Variants in DYRK4 observed in about 807,000 individuals in gnomAD.
DYRK4 encodes the protein dual specificity tyrosine-phosphorylation-regulated kinase 4.
In DYRK4, 64 loss-of-function variants were observed where a neutral mutation model predicts 68.3. The observed-to-expected ratio is 0.94, with a 90% confidence interval of 0.77 to 1.15. The LOEUF (loss-of-function observed/expected upper bound fraction) is 1.15. Among genes scored for constraint, DYRK4 ranks in the 50% most tolerant of loss-of-function variants. The pLI is 0.00. For missense variants in DYRK4, 740 were observed against 764.7 expected, an observed-to-expected ratio of 0.97 and a Z score of 0.38; for synonymous variants, 274 against 289.9, an observed-to-expected ratio of 0.95 and a Z score of 0.56.
chr12:4,595,588 C>G (rs1425555446), intron 6 of DYRK4, among the ~76,000 whole-genome samples: 1 of 152,082 alleles, frequency 6.6e-6, no homozygotes, highest in Non-Finnish European at 1.5e-5. Context: ...ACTGCTAACT[C>G]CAGGATAGGA....
At chr12:4,580,920 G>T (rs997473849) in intron 2 of DYRK4, 12 of 455,238 alleles carry the variant, frequency 2.6e-5, no homozygotes, top group South Asian at 1.9e-4. Flanking sequence ...TTTCCGAAAA[G>T]GCTGGGTGGC....
At chr12:4,599,864 C>G in intron 10 of DYRK4, 76 bp downstream of exon 10, 1 of 1,281,128 alleles carries the variant, frequency 7.8e-7, no homozygotes, top group Non-Finnish European at 1.1e-6. Context: ...GGTCACCTGC[C>G]TTCTAGGCTG....
chr12:4,591,310 G>A lies in DYRK4; in HGVS notation c.463+12G>A, dbSNP rs758397333. On this transcript the variant is annotated intron_variant, in intron 5 of 14. Transcript: ENST00000543431. This position sits in a 1 kb window ranked among gnomAD's most constrained non-coding sequence, Gnocchi z 4.1. ...TCTGACAGCGGCAGGTATGCCTTTG[G>A]GGCAGTAGCAGGGTGGGGAGGTGCT... 4 of 1,613,542 alleles carry A rather than the reference G, an allele frequency of 2.5e-6. No individual in the cohort carries two copies. The South Asian group carries it at 3.3e-5, about 13-fold the overall frequency.
intron 12 of DYRK4, among the ~76,000 whole-genome samples, chr12:4,609,086 C>T (rs1347868023): frequency 6.6e-6 from 1 of 152,116 alleles, no homozygotes; most frequent in Admixed American, 6.5e-5. Flanking sequence ...ACACAGAGCA[C>T]CTTCGTAGGA....
At chr12:4,601,668 G>A (rs1182031086) in intron 10 of DYRK4, among the ~76,000 whole-genome samples, 1 of 152,150 alleles carries the variant, frequency 6.6e-6, no homozygotes, top group East Asian at 1.9e-4. Context: ...CTGGAGATGA[G>A]CCTGGAAGAG....
intron 2 of DYRK4, among the ~76,000 whole-genome samples, chr12:4,585,174 A>G (rs1944883594): frequency 6.6e-6 from 1 of 152,170 alleles, no homozygotes; most frequent in Admixed American, 6.5e-5. Flanking sequence ...GTGTGGGCCT[A>G]CGTGTGAATC....
rs58934582 is a variant in DYRK4 at position 4,591,721 on chromosome 12, G to A, written c.463+423G>A. 10,418 of 159,676 alleles carry A rather than the reference G, an allele frequency of 0.065. 648 individuals carry two copies. The highest frequency in any genetic ancestry group is 0.16 in the African/African-American group (6,784 of 41,776). 9.9% of individuals were successfully genotyped at this position (159,676 alleles called of 1,614,324 possible). ...GCTTGCTCCTTCCTCTTGATAAGGA[G>A]GTGTTGGAGAGGAGCCTCTGTAGGG... On this transcript the variant is annotated intron_variant, in intron 5 of 14. Coordinates refer to ENST00000543431, the MANE Select transcript of DYRK4 (RefSeq NM_001394779.1). This position sits in a 1 kb window ranked among gnomAD's most constrained non-coding sequence, Gnocchi z 4.1.
chr12:4,592,864 G>A, intron 5 of DYRK4, 138 bp from the exon 6 acceptor site: 1 of 894,886 alleles, frequency 1.1e-6, no homozygotes, highest in Non-Finnish European at 1.7e-6. Flanking sequence ...TGAGATGCCA[G>A]ATGCAGGGTC....
At chr12:4,596,002 A>C in intron 6 of DYRK4, 147 bp from the exon 7 acceptor site, 1 of 827,956 alleles carries the variant, frequency 1.2e-6, no homozygotes, top group East Asian at 2.5e-5. Context: ...CAATGAGATG[A>C]GGGCGAGAGT....
chr12:4,590,483 C>T (rs1169837561), intron 4 of DYRK4, 43 bp downstream of exon 4: 2 of 1,530,078 alleles, frequency 1.3e-6, no homozygotes, highest in Non-Finnish European at 1.7e-6. Flanking sequence ...AGGTGAAAGA[C>T]CTGGTTTTAG....
chr12:4,579,703 C>T (rs886968478), intron 2 of DYRK4, among the ~76,000 whole-genome samples: 1 of 152,106 alleles, frequency 6.6e-6, no homozygotes, highest in Non-Finnish European at 1.5e-5. Flanking sequence ...TGCATAAATC[C>T]ACTTTATATT....
chr12:4,608,965 C>T (rs1253505986), intron 12 of DYRK4, among the ~76,000 whole-genome samples: 1 of 152,188 alleles, frequency 6.6e-6, no homozygotes, highest in Non-Finnish European at 1.5e-5. Flanking sequence ...CTACCCACAA[C>T]TTAATAATTC....
intron 2 of DYRK4, among the ~76,000 whole-genome samples, chr12:4,580,173 T>C (rs934741500): frequency 1.2e-4 from 19 of 152,232 alleles, no homozygotes. Flanking sequence ...TCCAGCTATC[T>C]GGACCCCCAG....
At chr12:4,611,983 T>C (rs181047067) in intron 13 of DYRK4, among the ~76,000 whole-genome samples, 48 of 152,322 alleles carry the variant, frequency 3.2e-4, no homozygotes, top group African/African-American at 1.1e-3. Context: ...CGGAGTTTTT[T>C]CAGAATTGGA....
chr12:4,594,236 T>C (rs1452547716), intron 6 of DYRK4, among the ~76,000 whole-genome samples: 1 of 152,090 alleles, frequency 6.6e-6, no homozygotes, highest in East Asian at 1.9e-4. Flanking sequence ...AATATAAATA[T>C]GTATATATGT....
intron 10 of DYRK4, among the ~76,000 whole-genome samples, chr12:4,601,138 A>G (rs1475897234): frequency 1.3e-5 from 2 of 152,218 alleles, no homozygotes; most frequent in Non-Finnish European, 2.9e-5. Context: ...GTAAAGTCCT[A>G]TATCTATTTC....
intron 6 of DYRK4, among the ~76,000 whole-genome samples, chr12:4,593,590 CT>C (rs1359907848): frequency 6.6e-6 from 1 of 152,160 alleles, no homozygotes; most frequent in African/African-American, 2.4e-5. Context: ...GACAAAAAAG[CT>C]TTTGTCACTG....
In DYRK4 at chr12:4,610,736, G is replaced by A. The variant is rs370854008; in HGVS notation, c.1490+452G>A. ...TCAGGGCCTGTCCCCCTCCCCCTAG[G>A]ATTTAGTACCCAAATCGTCTTATAT... On this transcript the variant is annotated intron_variant, in intron 13 of 14. Coordinates refer to ENST00000543431, the MANE Select transcript of DYRK4 (RefSeq NM_001394779.1). 3.9e-5 allele frequency among the ~76,000 whole-genome samples: 6 copies of A among 152,116 alleles called. No individual in the cohort carries two copies. The East Asian group carries it at 5.8e-4, about 15-fold the overall frequency.
intron 11 of DYRK4, among the ~76,000 whole-genome samples, chr12:4,605,729 GTTTTTTTTTTTTTTTT>G (rs58963826): frequency 3.9e-5 from 4 of 102,118 alleles, no homozygotes; most frequent in Non-Finnish European, 7.5e-5. Flanking sequence ...ATAGAGCTGG[GTTTTTTTTTTTTTTTT>G]TTTTTTTTTT....
Sources: gnomAD v4.1 joint callset for allele counts (sites outside exome capture counted in the v4.1 genomes callset) on GRCh38, gnomAD v4.1.1 for gene constraint, Gnocchi (gnomAD v3.1) non-coding constraint, MANE v1.5 for transcripts, NCBI Gene and HGNC (gene_info 2026-07-23, HGNC 2026-07-21) for gene names.